KIF17: variants seen among roughly 807,000 people sequenced by gnomAD.
KIF17 encodes kinesin-like protein KIF17.
Under a neutral mutation model 96.8 loss-of-function variants are expected in KIF17, and 80 were observed. That is an observed-to-expected ratio of 0.83 (90% confidence interval 0.69 to 1.00). The LOEUF (loss-of-function observed/expected upper bound fraction) is 1.00, where lower values mean the gene tolerates loss of function less well. Ranked by LOEUF, KIF17 falls within the 50% of genes least tolerant of loss-of-function variation. The pLI is 0.00. For synonymous variants in KIF17, 567 were observed against 587.5 expected (o/e 0.97, Z 0.51); for missense variants, 1,280 against 1,372.9 (o/e 0.93, Z 1.07).
In KIF17 at chr1:20,672,038, G is replaced by A. The variant is rs1293569321; in HGVS notation, c.2622C>T (p.Tyr874=). Residue 874 remains tyrosine (Y), a synonymous_variant, in exon 12 of 15, where the codon TAC becomes TAT. Coordinates refer to ENST00000400463, the MANE Select transcript of KIF17 (RefSeq NM_001122819.3). This position sits in a 1 kb window ranked among gnomAD's most constrained non-coding sequence, Gnocchi z 4.3. ...CACGCAGAATCTTCTCCAGGTTGCT[G>A]TAGTTACAGTCCCTGCGAATCAGGG... The part of the protein sequence containing the change: ...VQPLIRRDCN[Y]SNLEKILRES... 27 of 1,614,182 alleles carry A rather than the reference G, an allele frequency of 1.7e-5. No individual in the cohort carries two copies. The highest frequency in any genetic ancestry group is 2.1e-5 in the Non-Finnish European group (25 of 1,180,040).
rs554807064 is a variant in KIF17, at chr1:20,707,211, C to G, written c.671-2312G>C. On this transcript the variant is annotated intron_variant, in intron 4 of 14. Coordinates refer to ENST00000400463, the MANE Select transcript of KIF17 (RefSeq NM_001122819.3). ...GCTCCAGGACTCCATTGCAGGGAAC[C>G]GAGTCTGAGGAAATGACTCTCAGAT... Among the ~76,000 whole-genome samples the G allele has an allele frequency of 2.6e-5, 4 of 152,272 alleles. No individual in the cohort carries two copies. In the South Asian group the frequency reaches 8.3e-4, roughly 32 times the overall value.
intron 4 of KIF17, among the ~76,000 whole-genome samples, chr1:20,706,659 G>A (rs1436333366): frequency 6.6e-6 from 1 of 151,986 alleles, no homozygotes; most frequent in African/African-American, 2.4e-5. Context: ...TGGGAGATGG[G>A]AGGATTGCTT....
intron 13 of KIF17, among the ~76,000 whole-genome samples, chr1:20,668,681 A>T (rs2053578596): frequency 6.6e-6 from 1 of 152,218 alleles, no homozygotes; most frequent in Admixed American, 6.5e-5. Flanking sequence ...GTTTTCTGAA[A>T]TATTTGTAAT....
Position 20,699,993 on chromosome 1 carries a change from C to T in KIF17, c.1124-1505G>A, listed in dbSNP as rs557605502. On this transcript the variant is annotated intron_variant, in intron 5 of 14. Transcript: ENST00000400463. The surrounding 1 kb of genome is among the most constrained non-coding windows in gnomAD (Gnocchi z 4.3). ...CACTGAGGGGAACCAGGGTTAGGCA[C>T]GAGGAGACCCGTTGCGGGGGCGTGC... Among the ~76,000 whole-genome samples the T allele has an allele frequency of 1.9e-4, 29 of 152,298 alleles. No homozygotes were observed. The South Asian group carries it at 4.3e-3, about 23-fold the overall frequency.
chr1:20,687,327 G>C lies in KIF17; in HGVS notation c.1938+61C>G, dbSNP rs539974632. ...GAACAGTGTGTGCACAGTGAGCTCC[G>C]GGCCCTGGGCAAGCTCTGCCTGCTC... On this transcript the variant is annotated intron_variant, in intron 8 of 14. Coordinates refer to ENST00000400463, the MANE Select transcript of KIF17 (RefSeq NM_001122819.3). This position sits in a 1 kb window ranked among gnomAD's most constrained non-coding sequence, Gnocchi z 4.4. The C allele has an allele frequency of 1.5e-4, 235 of 1,576,726 alleles. No individual in the cohort carries two copies. The East Asian group carries it at 5.0e-3, about 34-fold the overall frequency.
In KIF17 at chr1:20,709,774, C is replaced by A; in HGVS notation, c.535G>T (p.Val179Leu). 1 of 1,614,070 alleles carries A rather than the reference C, an allele frequency of 6.2e-7. No individual in the cohort carries two copies. Among genetic ancestry groups the A allele is most frequent in the East Asian group, 2.2e-5 (1 of 44,882 alleles). The change falls in exon 4 of 15, where the codon GTG becomes TTG. Residue 179 changes from valine (V) to leucine (L), a missense_variant. Coordinates refer to ENST00000400463, the MANE Select transcript of KIF17 (RefSeq NM_001122819.3). The surrounding 1 kb of genome is among the most constrained non-coding windows in gnomAD (Gnocchi z 4.7). ...VYVKGLSMHT[V>L]HSVAQCEHIM... ...TGCTCACACTGGGCCACGCTGTGCACCGTGTGCATGGACAGCCCCTTCACG... is the reference window on the plus strand; with the variant it reads ...TGCTCACACTGGGCCACGCTGTGCAACGTGTGCATGGACAGCCCCTTCACG...
chr1:20,698,096 G>T lies in KIF17; in HGVS notation c.1233+283C>A, dbSNP rs74801957. 4.5e-3 allele frequency among the ~76,000 whole-genome samples: 686 copies of T among 152,224 alleles called. 11 individuals carry two copies. Among genetic ancestry groups the T allele is most frequent in the African/African-American group, 0.016 (660 of 41,534 alleles). The stretch of plus-strand genomic sequence containing the variant: ...TCCTTCAAAACGGAGGGGAGACCAC[G>T]CCCCTGGAGACACCTCCACACCCCT... On this transcript the variant is annotated intron_variant, in intron 6 of 14. Transcript: ENST00000400463.
chr1:20,681,942 A>C (rs1358246119), intron 11 of KIF17, among the ~76,000 whole-genome samples: 1 of 152,190 alleles, frequency 6.6e-6, no homozygotes, highest in Non-Finnish European at 1.5e-5. Context: ...CTTCGTAGAA[A>C]TGAATCAAGT....
At chr1:20,686,239 A>G in intron 8 of KIF17, 113 bp from the exon 9 acceptor site, 1 of 803,340 alleles carries the variant, frequency 1.2e-6, no homozygotes, top group Admixed American at 2.0e-5. Context: ...ACCACCCCCC[A>G]ACCTCCCCTG....
chr1:20,668,956 G>A (rs1349087436), intron 13 of KIF17, among the ~76,000 whole-genome samples: 1 of 152,146 alleles, frequency 6.6e-6, no homozygotes, highest in East Asian at 1.9e-4. Flanking sequence ...TAACTTAGCT[G>A]GTAGTTATTG....
Position 20,687,425 on chromosome 1 carries a change from T to A in KIF17, c.1901A>T (p.Asp634Val). ...CTTGGGGACGTCTGCCTGGGGTGCA[T>A]CTGTCCTGGCCACGGTGGAGGAGAG... ...ARLSSTVART[D>V]APQADVPKVP... The change falls in exon 8 of 15, where the codon GAT becomes GTT. Residue 634 changes from aspartate (D) to valine (V), a missense_variant. Transcript: ENST00000400463. The surrounding 1 kb of genome is among the most constrained non-coding windows in gnomAD (Gnocchi z 4.4). 6.2e-7 allele frequency: 1 copy of A among 1,613,764 alleles called. No homozygotes were observed. Among genetic ancestry groups the A allele is most frequent in the Non-Finnish European group, 8.5e-7 (1 of 1,180,020 alleles).
intron 3 of KIF17, among the ~76,000 whole-genome samples, chr1:20,711,507 G>C (rs1174795528): frequency 1.3e-5 from 2 of 152,180 alleles, no homozygotes; most frequent in African/African-American, 4.8e-5. Flanking sequence ...GCTGGGATGC[G>C]GCAAGGATGA....
intron 2 of KIF17, among the ~76,000 whole-genome samples, chr1:20,714,776 G>A (rs896979325): frequency 7.8e-6 from 1 of 128,368 alleles, no homozygotes; most frequent in Non-Finnish European, 1.6e-5. Flanking sequence ...CAGCCTGGGT[G>A]ACAGAGCAAG....
intron 3 of KIF17, among the ~76,000 whole-genome samples, chr1:20,712,906 T>TATAATATAGATAATATTATC (rs1557607194): frequency 5.8e-5 from 6 of 104,052 alleles, no homozygotes; most frequent in Non-Finnish European, 1.1e-4. Context: ...ATTATCTATA[T>TATAATATAGATAATATTATC]TATATATATA....
At chr1:20,711,782 G>C (rs911024318) in intron 3 of KIF17, among the ~76,000 whole-genome samples, 5 of 152,166 alleles carry the variant, frequency 3.3e-5, no homozygotes, top group African/African-American at 1.2e-4. Flanking sequence ...GTTAAGCACG[G>C]GTTAAGAGTG....
rs1012586754 is a variant in KIF17 at position 20,715,850 on chromosome 1, G to A, written c.232-211C>T. 3.7e-4 allele frequency among the ~76,000 whole-genome samples: 57 copies of A among 152,364 alleles called. 1 individual carries two copies. Among genetic ancestry groups the A allele is most frequent in the African/African-American group, 1.3e-3 (56 of 41,586 alleles). On this transcript the variant is annotated intron_variant, in intron 1 of 14. Coordinates refer to ENST00000400463, the MANE Select transcript of KIF17 (RefSeq NM_001122819.3). ...TGTCCCTGTGTGTGGATGGGGAAGA[G>A]CCTGAGCTGTGGGCTTGGCCCCCTG...
At chr1:20,683,839 T>C (rs2053877856) in intron 10 of KIF17, among the ~76,000 whole-genome samples, 1 of 152,110 alleles carries the variant, frequency 6.6e-6, no homozygotes, top group Non-Finnish European at 1.5e-5. Flanking sequence ...CTCCACACCT[T>C]TGCAGGTGCT....
At chr1:20,707,729 C>T (rs1255846019) in intron 4 of KIF17, among the ~76,000 whole-genome samples, 22 of 147,264 alleles carry the variant, frequency 1.5e-4, no homozygotes, top group Non-Finnish European at 2.7e-4. Flanking sequence ...GAGATTGCAC[C>T]ACTGCACTCC....
At chr1:20,669,864 CAAAAAAAAAAAAAAAAAAAAAAAA>C (rs61673996) in intron 13 of KIF17, among the ~76,000 whole-genome samples, 15 of 18,438 alleles carry the variant, frequency 8.1e-4, no homozygotes, top group South Asian at 2.4e-3. Flanking sequence ...GACTCCATCT[CAAAAAAAAAAAAAAAAAAAAAAAA>C]AAAAAAAAAA....
Sources: allele counts gnomAD v4.1 joint callset (sites outside exome capture counted in the v4.1 genomes callset), GRCh38; gene constraint gnomAD v4.1.1; non-coding constraint Gnocchi (gnomAD v3.1); transcripts MANE v1.5; gene names NCBI Gene and HGNC (gene_info 2026-07-23, HGNC 2026-07-21).